TET1: variants seen among roughly 807,000 people sequenced by gnomAD.
TET1 encodes the protein tet methylcytosine dioxygenase 1, also known as methylcytosine dioxygenase TET1.
A neutral mutation model predicts 148.7 loss-of-function variants in TET1; 13 were observed. That is an observed-to-expected ratio of 0.09 (90% confidence interval 0.06 to 0.14). The LOEUF (loss-of-function observed/expected upper bound fraction) is 0.14, where lower values mean the gene tolerates loss of function less well. TET1 is among the 10% of genes least tolerant of loss of function. The pLI is 1.00. For synonymous variants in TET1, 907 were observed against 937.2 expected (o/e 0.97, Z 0.59); for missense variants, 2,182 against 2,553.8 (o/e 0.85, Z 3.14).
chr10:68,637,791 G>A (rs2054676618), intron 3 of TET1, among the ~76,000 whole-genome samples: 1 of 148,884 alleles, frequency 6.7e-6, no homozygotes, highest in Non-Finnish European at 1.5e-5. Flanking sequence ...AGAATCACTT[G>A]AACCTGGGAG....
At chr10:68,593,943 T>TTTTTTTTG (rs2053949574) in intron 2 of TET1, among the ~76,000 whole-genome samples, 1 of 131,140 alleles carries the variant, frequency 7.6e-6, no homozygotes, top group African/African-American at 2.9e-5. Context: ...TTTTTTTTTT[T>TTTTTTTTG]GAGACAGAGT....
At chr10:68,688,993 A>G (rs1210067743) in intron 11 of TET1, among the ~76,000 whole-genome samples, 1 of 152,242 alleles carries the variant, frequency 6.6e-6, no homozygotes, top group Non-Finnish European at 1.5e-5. Context: ...AAGAAATGCA[A>G]TAATACAGAG....
At chr10:68,639,397 G>C (rs1308980517) in intron 3 of TET1, among the ~76,000 whole-genome samples, 3 of 144,334 alleles carry the variant, frequency 2.1e-5, no homozygotes, top group Admixed American at 7.0e-5. Flanking sequence ...ACTCCAGCTC[G>C]GGTGACAGAG....
intron 1 of TET1, among the ~76,000 whole-genome samples, chr10:68,565,216 C>A (rs1396900802): frequency 6.6e-6 from 1 of 151,960 alleles, no homozygotes; most frequent in African/African-American, 2.4e-5. Context: ...GTGGCCCACA[C>A]CTGTAGTCCT....
At chr10:68,665,295 CA>C (rs1388211839) in intron 6 of TET1, among the ~76,000 whole-genome samples, 1 of 152,046 alleles carries the variant, frequency 6.6e-6, no homozygotes, top group African/African-American at 2.4e-5. Flanking sequence ...CACACACACA[CA>C]CACATACACA....
At chr10:68,621,268 G>A (rs2054366607) in intron 3 of TET1, among the ~76,000 whole-genome samples, 1 of 152,092 alleles carries the variant, frequency 6.6e-6, no homozygotes, top group South Asian at 2.1e-4. Flanking sequence ...TTGAGACGGA[G>A]TTTCACTCTT....
rs2054061424 is a variant in TET1 at position 68,601,963 on chromosome 10, G to T, written c.1968+929G>T. 2.0e-5 allele frequency among the ~76,000 whole-genome samples: 3 copies of T among 152,094 alleles called. No homozygotes were observed. The South Asian group carries it at 6.2e-4, about 32-fold the overall frequency. ...AGCACTCAAAGAGGAACAACATGTT[G>T]AACTATGAATGTGGCAGAATTTTAT... is the stretch of plus-strand genomic sequence containing the variant. On this transcript the variant is annotated intron_variant, in intron 3 of 11. Transcript: ENST00000373644.
chr10:68,647,739 TGTAAAACA>T (rs1564991881), intron 4 of TET1, among the ~76,000 whole-genome samples: 4 of 152,192 alleles, frequency 2.6e-5, no homozygotes, highest in Non-Finnish European at 5.9e-5. Flanking sequence ...ATATAGAGAA[TGTAAAACA>T]TATGTATAAG....
chr10:68,651,638 A>G lies in TET1; in HGVS notation c.4277-208A>G, dbSNP rs1205396663. On this transcript the variant is annotated intron_variant, in intron 4 of 11. Coordinates refer to ENST00000373644, the MANE Select transcript of TET1 (RefSeq NM_030625.3). ...TTCTCCTCTGATTTTCAGAGGAAGA[A>G]AGAATTCGTTAGGGGCAGGAAGAAA... Among the ~76,000 whole-genome samples, 6 of 152,088 alleles carry G rather than the reference A, an allele frequency of 3.9e-5. No individual in the cohort carries two copies. In the East Asian group the frequency reaches 1.2e-3, roughly 29 times the overall value.
intron 3 of TET1, among the ~76,000 whole-genome samples, chr10:68,619,232 C>T (rs571021072): frequency 7.9e-5 from 12 of 152,016 alleles, no homozygotes; most frequent in African/African-American, 2.4e-4. Flanking sequence ...CCACCCCTTC[C>T]GTTATTCTCT....
Position 68,645,272 on chromosome 10 carries a change from G to C in TET1, c.2543G>C (p.Ser848Thr), listed in dbSNP as rs759086155. The C allele has an allele frequency of 1.2e-6, 2 of 1,614,118 alleles. No homozygotes were observed. The highest frequency in any genetic ancestry group is 1.1e-5 in the South Asian group (1 of 91,080). The change falls in exon 4 of 12, where the codon AGT becomes ACT. Residue 848 changes from serine (S) to threonine (T), a missense_variant. Ser to Thr is a moderately conservative substitution (Grantham distance 58). Around this residue, in one of 11 missense-constraint regions of TET1, gnomAD observed 582 missense variants for 599.5 expected, o/e 0.97. Coordinates refer to ENST00000373644, the MANE Select transcript of TET1 (RefSeq NM_030625.3). The stretch of plus-strand genomic sequence containing the variant: ...CACTCCATCATAAATCATCATGCTA[G>C]TATACACAATGAAGGTGATCAACCA... ...SSHSIINHHA[S>T]IHNEGDQPKT...
intron 2 of TET1, among the ~76,000 whole-genome samples, chr10:68,595,961 T>TATATAC (rs1388095909): frequency 4.3e-4 from 16 of 37,294 alleles, no homozygotes; most frequent in African/African-American, 1.4e-3. Context: ...TATATATATA[T>TATATAC]ACACACACAC....
At position 68,672,487 on chromosome 10, in the gene TET1, C is replaced by CAAAAAA. The variant is rs71483920; in HGVS notation, c.4674-389_4674-384dup. On this transcript the variant is annotated intron_variant, in intron 7 of 11. Coordinates refer to ENST00000373644, the MANE Select transcript of TET1 (RefSeq NM_030625.3). ...TTGGTGACAGGGCTAGACCCCATCT[C>CAAAAAA]AAAAAAAAAAAAAAAAAAAAAAAAC... 9.3e-3 allele frequency among the ~76,000 whole-genome samples: 462 copies of CAAAAAA among 49,426 alleles called. 28 individuals are homozygous for CAAAAAA. The highest frequency in any genetic ancestry group is 0.022 in the African/African-American group (232 of 10,564). 32.4% of individuals were successfully genotyped at this position (49,426 alleles called of 152,430 possible). A position where few individuals can be genotyped will look rare whatever the true frequency, so the allele number is the denominator to read the frequency against.
chr10:68,665,995 C>T (rs73262427), intron 6 of TET1, among the ~76,000 whole-genome samples: 3 of 152,164 alleles, frequency 2.0e-5, no homozygotes, highest in South Asian at 4.1e-4. Context: ...CATGGATGGG[C>T]GTTTTCATCA....
At chr10:68,617,366 C>T (rs955585339) in intron 3 of TET1, among the ~76,000 whole-genome samples, 2 of 151,668 alleles carry the variant, frequency 1.3e-5, no homozygotes, top group Admixed American at 6.6e-5. Context: ...TGTTACATTG[C>T]CCTGGCTGGT....
intron 3 of TET1, among the ~76,000 whole-genome samples, chr10:68,643,739 G>A (rs982265757): frequency 3.3e-5 from 5 of 151,718 alleles, no homozygotes; most frequent in Admixed American, 6.6e-5. Context: ...CTCGAACCCG[G>A]GAGGCAGAGG....
rs1392120109 is a variant in TET1 at position 68,645,248 on chromosome 10, A to G, written c.2519A>G (p.His840Arg). ...FNCSSIPHSSHSIINHHASIH... is the reference protein window; with the variant it reads ...FNCSSIPHSSRSIINHHASIH... ...TGCAGTTCCATTCCACATTCTTCAC[A>G]CTCCATCATAAATCATCATGCTAGT... The change falls in exon 4 of 12, where the codon CAC (histidine) becomes CGC (arginine). Residue 840 changes from histidine to arginine, a missense_variant. By Grantham distance (29) the His-to-Arg change is conservative. This residue lies in a region of TET1 where 582 missense variants were observed against 599.5 expected (regional missense o/e 0.97). Coordinates refer to ENST00000373644, the MANE Select transcript of TET1 (RefSeq NM_030625.3). The G allele has an allele frequency of 4.3e-6, 7 of 1,613,976 alleles. No homozygotes were observed. The East Asian group carries it at 1.6e-4, about 36-fold the overall frequency.
chr10:68,593,446 AT>A (rs1162182298), intron 2 of TET1, among the ~76,000 whole-genome samples: 3 of 151,820 alleles, frequency 2.0e-5, no homozygotes. Flanking sequence ...AAAATTTTTA[AT>A]TTTTTCACTT....
chr10:68,565,475 A>ATATATAT (rs1554927790), intron 1 of TET1, among the ~76,000 whole-genome samples: 7 of 129,226 alleles, frequency 5.4e-5, no homozygotes, highest in East Asian at 2.3e-4. Flanking sequence ...AAAAAAAAAA[A>ATATATAT]ATATATATAT....
Sources: allele counts gnomAD v4.1 joint callset (sites outside exome capture counted in the v4.1 genomes callset), GRCh38; gene constraint gnomAD v4.1.1; regional missense constraint gnomAD v4.1.1; transcripts MANE v1.5; gene names NCBI Gene and HGNC (gene_info 2026-07-23, HGNC 2026-07-21).